Variants in CMSS1 observed in about 807,000 individuals in gnomAD.
CMSS1 encodes the protein cms1 ribosomal small subunit homolog.
In CMSS1, 33 loss-of-function variants were observed where a neutral mutation model predicts 43.5. The observed-to-expected ratio is 0.76, with a 90% confidence interval of 0.57 to 1.01. CMSS1 has a LOEUF of 1.01. Ranked by LOEUF, CMSS1 falls within the 50% of genes least tolerant of loss-of-function variation. The probability of loss-of-function intolerance (pLI) is 0.00; values close to 1 mark genes in which losing one functional copy is unlikely to be tolerated. For missense variants in CMSS1, 313 were observed against 326.4 expected, an observed-to-expected ratio of 0.96 and a Z score of 0.32; for synonymous variants, 115 against 117.2, an observed-to-expected ratio of 0.98 and a Z score of 0.12.
chr3:100,082,837 C>T (rs558749365), intron 1 of CMSS1, among the ~76,000 whole-genome samples: 2 of 152,194 alleles, frequency 1.3e-5, no homozygotes, highest in South Asian at 4.1e-4. Context: ...CTTAAGACAC[C>T]ACCTAGTTTG....
chr3:100,055,339 AC>A (rs2065446648), intron 1 of CMSS1, among the ~76,000 whole-genome samples: 1 of 152,074 alleles, frequency 6.6e-6, no homozygotes, highest in Non-Finnish European at 1.5e-5. Context: ...TCACTGGCAC[AC>A]TCAGTCCATC....
At chr3:99,983,416 A>ATATATATATG (rs1553702725) in intron 1 of CMSS1, among the ~76,000 whole-genome samples, 1 of 96,954 alleles carries the variant, frequency 1.0e-5, no homozygotes, top group Admixed American at 1.2e-4. Flanking sequence ...ATATATATAT[A>ATATATATATG]TATGTATGTA....
chr3:99,886,186 A>C (rs1485448315), intron 1 of CMSS1, among the ~76,000 whole-genome samples: 1 of 152,170 alleles, frequency 6.6e-6, no homozygotes, highest in African/African-American at 2.4e-5. Flanking sequence ...AGAGGTATTC[A>C]GCAACTATTT....
intron 1 of CMSS1, among the ~76,000 whole-genome samples, chr3:99,836,138 G>T (rs138670774): frequency 3.9e-5 from 6 of 152,290 alleles, no homozygotes; most frequent in African/African-American, 1.4e-4. Context: ...TTTAAGGCTG[G>T]ATTATAGAGG....
At chr3:99,913,782 T>C (rs1706868217) in intron 1 of CMSS1, among the ~76,000 whole-genome samples, 1 of 152,112 alleles carries the variant, frequency 6.6e-6, no homozygotes, top group Admixed American at 6.6e-5. Flanking sequence ...AAGCTGTGAG[T>C]TGGAAATTAC....
chr3:100,135,689 A>T (rs2066747934), intron 1 of CMSS1, among the ~76,000 whole-genome samples: 2 of 145,718 alleles, frequency 1.4e-5, no homozygotes, highest in South Asian at 4.1e-4. Context: ...ACATTACTAA[A>T]CTGGAGCAGT....
At chr3:99,834,428 T>C (rs943534087) in intron 1 of CMSS1, among the ~76,000 whole-genome samples, 2 of 152,230 alleles carry the variant, frequency 1.3e-5, no homozygotes, top group African/African-American at 4.8e-5. Context: ...TCTCTCTTTC[T>C]GTGGAAATTA....
At chr3:99,863,551 G>A (rs539021284) in intron 1 of CMSS1, among the ~76,000 whole-genome samples, 1 of 152,274 alleles carries the variant, frequency 6.6e-6, no homozygotes, top group East Asian at 1.9e-4. Context: ...GCAGCAGATT[G>A]AAAGATACCC....
At chr3:100,137,657 G>A (rs375089629) in intron 1 of CMSS1, among the ~76,000 whole-genome samples, 4 of 151,910 alleles carry the variant, frequency 2.6e-5, no homozygotes. Flanking sequence ...CTGCCTCCTG[G>A]GTTCACGCCA....
intron 3 of CMSS1, among the ~76,000 whole-genome samples, chr3:100,161,726 G>T (rs9815961): frequency 6.6e-6 from 1 of 152,150 alleles, no homozygotes; most frequent in Non-Finnish European, 1.5e-5. Flanking sequence ...CAAAATCGAT[G>T]TTGGAAAGTA....
chr3:100,098,597 A>G (rs1405809771), intron 1 of CMSS1, among the ~76,000 whole-genome samples: 1 of 152,242 alleles, frequency 6.6e-6, no homozygotes, highest in Non-Finnish European at 1.5e-5. Flanking sequence ...CAATACCAGT[A>G]CATGCAAGGA....
At chr3:99,954,387 T>C (rs1382626680) in intron 1 of CMSS1, among the ~76,000 whole-genome samples, 1 of 152,220 alleles carries the variant, frequency 6.6e-6, no homozygotes, top group Non-Finnish European at 1.5e-5. Context: ...GAGATAGGTA[T>C]CATAATGGCT....
intron 1 of CMSS1, among the ~76,000 whole-genome samples, chr3:100,051,702 T>A (rs2065376385): frequency 6.6e-6 from 1 of 151,978 alleles, no homozygotes; most frequent in Non-Finnish European, 1.5e-5. Flanking sequence ...TTTTTATGGC[T>A]GCATAGTATT....
chr3:100,174,898 A>C (rs2067137212), intron 8 of CMSS1, among the ~76,000 whole-genome samples: 1 of 152,224 alleles, frequency 6.6e-6, no homozygotes, highest in Non-Finnish European at 1.5e-5. Context: ...CTTTAGAAGC[A>C]ATCTCTTGTT....
At chr3:99,983,446 GTATATATATATATGTGTGTATATATA>G (rs1709210111) in intron 1 of CMSS1, among the ~76,000 whole-genome samples, 1 of 87,810 alleles carries the variant, frequency 1.1e-5, no homozygotes, top group African/African-American at 5.5e-5. Flanking sequence ...ATATATGTAT[GTATATATATATATGTGTGTATATATA>G]TATATATATA....
At chr3:99,957,574 T>C (rs985665108) in intron 1 of CMSS1, among the ~76,000 whole-genome samples, 5 of 152,116 alleles carry the variant, frequency 3.3e-5, no homozygotes, top group Non-Finnish European at 5.9e-5. Context: ...CCGTAAACAG[T>C]TGGAATTTTC....
chr3:99,971,590 CT>C (rs1209184540), intron 1 of CMSS1, among the ~76,000 whole-genome samples: 1 of 152,186 alleles, frequency 6.6e-6, no homozygotes, highest in Admixed American at 6.5e-5. Context: ...CCTCCATCAG[CT>C]TTTGTCTTGT....
intron 1 of CMSS1, among the ~76,000 whole-genome samples, chr3:100,095,217 ACCTTTC>A (rs767587914): frequency 1.3e-5 from 2 of 152,098 alleles, no homozygotes; most frequent in African/African-American, 4.8e-5. Context: ...TATTCTATTT[ACCTTTC>A]CCTTTCCATA....
chr3:100,013,353 C>G (rs529385423), intron 1 of CMSS1, among the ~76,000 whole-genome samples: 1 of 152,214 alleles, frequency 6.6e-6, no homozygotes, highest in South Asian at 2.1e-4. Flanking sequence ...AAGCGATTCT[C>G]CTGCCTCAGC....
Sources: gnomAD v4.1 joint callset for allele counts (sites outside exome capture counted in the v4.1 genomes callset) on GRCh38, gnomAD v4.1.1 for gene constraint, MANE v1.5 for transcripts, NCBI Gene and HGNC (gene_info 2026-07-23, HGNC 2026-07-21) for gene names.